ACSM3: variants seen among roughly 807,000 people sequenced by gnomAD.
ACSM3 encodes acyl-coenzyme A synthetase ACSM3, mitochondrial.
Under a neutral mutation model 74.1 loss-of-function variants are expected in ACSM3, and 61 were observed. The observed-to-expected ratio is 0.82, with a 90% CI of 0.67 to 1.02. The LOEUF (loss-of-function observed/expected upper bound fraction) is 1.02, where lower values mean the gene tolerates loss of function less well. Ranked by LOEUF, ACSM3 falls within the 50% of genes least tolerant of loss-of-function variation. ACSM3 has a pLI of 0.00. For missense variants in ACSM3, 660 were observed against 697.0 expected (o/e 0.95, Z 0.60); for synonymous variants, 213 against 241.5 (o/e 0.88, Z 1.09).
chr16:20,777,347 A>C (rs1401921103), intron 3 of ACSM3, 26 bp from the exon 4 acceptor site: 1 of 1,588,276 alleles, frequency 6.3e-7, no homozygotes, highest in Non-Finnish European at 8.6e-7. Context: ...TTTCTTCTAA[A>C]CACTGTTTCT....
chr16:20,756,224 G>A (rs1390195018), intron 3 of ACSM3, among the ~76,000 whole-genome samples: 1 of 151,750 alleles, frequency 6.6e-6, no homozygotes, highest in African/African-American at 2.4e-5. Context: ...CTTCCACAAT[G>A]GTTGAACTAG....
At chr16:20,760,066 G>A (rs1014005309), upstream of ACSM3, among the ~76,000 whole-genome samples, 2 of 152,020 alleles carry the variant, frequency 1.3e-5, no homozygotes, top group African/African-American at 4.8e-5. Context: ...AAGCACAACT[G>A]ACCAACATTA....
chr16:20,735,380 T>TC (rs1226402653), intron 1 of ACSM3: 1 of 151,390 alleles, frequency 6.6e-6, no homozygotes, highest in Non-Finnish European at 1.5e-5. Context: ...TTGGGTGTTT[T>TC]TTTTTTTTTT....
chr16:20,732,645 A>G (rs1300067538), intron 1 of ACSM3, among the ~76,000 whole-genome samples: 1 of 152,150 alleles, frequency 6.6e-6, no homozygotes, highest in Admixed American at 6.6e-5. Flanking sequence ...ACTAGGGGAA[A>G]GCAATGGGGT....
chr16:20,709,794 A>G (rs2079738775), intron 1 of ACSM3, among the ~76,000 whole-genome samples: 1 of 152,188 alleles, frequency 6.6e-6, no homozygotes, highest in Non-Finnish European at 1.5e-5. Flanking sequence ...TTTTTAGCTA[A>G]CTTCAGGGAA....
intron 12 of ACSM3, 21 bp downstream of exon 12, chr16:20,792,356 C>T: frequency 6.2e-7 from 1 of 1,612,680 alleles, no homozygotes; most frequent in Non-Finnish European, 8.5e-7. Context: ...TGATTCATGT[C>T]AACTTTATAA....
At chr16:20,736,963 C>T (rs772138953) in intron 1 of ACSM3, 26 of 1,614,116 alleles carry the variant, frequency 1.6e-5, no homozygotes, top group Non-Finnish European at 1.8e-5. Flanking sequence ...TCATTTACCA[C>T]CTGTGGATTA....
chr16:20,709,666 C>T (rs1205177068), intron 1 of ACSM3, among the ~76,000 whole-genome samples: 2 of 152,136 alleles, frequency 1.3e-5, no homozygotes, highest in African/African-American at 4.8e-5. Context: ...ATTTTCTTAA[C>T]CCACTTCCTT....
chr16:20,701,823 GACAATGATGGCTTC>G (rs1359865450), intron 1 of ACSM3, among the ~76,000 whole-genome samples: 1 of 152,142 alleles, frequency 6.6e-6, no homozygotes, highest in Non-Finnish European at 1.5e-5. Flanking sequence ...TTAGTTTGCT[GACAATGATGGCTTC>G]CAGCTTCATC....
At chr16:20,754,626 G>C (rs150334192) in intron 2 of ACSM3, among the ~76,000 whole-genome samples, 1 of 152,174 alleles carries the variant, frequency 6.6e-6, no homozygotes, top group East Asian at 1.9e-4. Flanking sequence ...TTCCCATTTG[G>C]AGCTGCCTGA....
Position 20,682,551 on chromosome 16 carries a change from A to C in ACSM3, c.-190+7729A>C. 2 of 1,015,066 alleles carry C rather than the reference A, an allele frequency of 2.0e-6. 1 individual carries two copies. Among genetic ancestry groups the C allele is most frequent in the South Asian group, 2.8e-5 (2 of 71,108 alleles). The allele number at this position is 1,015,066 out of a possible 1,614,324, so 62.9% of individuals were successfully genotyped here. On this transcript the variant is annotated intron_variant, in intron 1 of 3. Transcript: ENST00000561584. ...GGCTTGTCTGCATCGAAATACCCTA[A>C]CTTCTTGTTATGTAAAGTACAGGCC... is the stretch of plus-strand genomic sequence containing the variant.
Position 20,711,621 on chromosome 16 carries a change from C to T in ACSM3, c.-190+36799C>T, listed in dbSNP as rs561227107. ...CACTGGAGTGTCCTGACTTTAAGAC[C>T]AAACTCCTGGTGTCTCCACAAAGCC... On this transcript the variant is annotated intron_variant, in intron 1 of 3. Coordinates refer to the ACSM3 transcript ENST00000561584. 1.1e-5 allele frequency: 11 copies of T among 1,030,960 alleles called. No individual in the cohort carries two copies. The South Asian group carries it at 1.5e-4, about 14-fold the overall frequency. 63.9% of individuals were successfully genotyped at this position (1,030,960 alleles called of 1,614,324 possible). A position where few individuals can be genotyped will look rare whatever the true frequency, so the allele number is the denominator to read the frequency against.
intron 1 of ACSM3, among the ~76,000 whole-genome samples, chr16:20,723,346 G>T (rs1168065162): frequency 6.6e-6 from 1 of 152,082 alleles, no homozygotes; most frequent in Admixed American, 6.5e-5. Context: ...ATAAACATAC[G>T]TGTGCATGTG....
In ACSM3 at chr16:20,755,606, T is replaced by C. The variant is rs557144999; in HGVS notation, c.-62T>C. 4.7e-5 allele frequency: 7 copies of C among 149,476 alleles called. No homozygotes were observed. In the South Asian group the frequency reaches 1.3e-3, roughly 27 times the overall value. The allele number at this position is 149,476 out of a possible 1,614,324, so 9.3% of individuals were successfully genotyped here. A position where few individuals can be genotyped will look rare whatever the true frequency, so the allele number is the denominator to read the frequency against. On this transcript the variant is annotated 5_prime_UTR_variant, in exon 3 of 4. Coordinates refer to the ACSM3 transcript ENST00000561584. ...TACATAGCCGCTAAAACCCCTGGAATTTCTGAAGTGGTAAGTGCTTTTTAT... is the reference window on the plus strand; with the variant it reads ...TACATAGCCGCTAAAACCCCTGGAACTTCTGAAGTGGTAAGTGCTTTTTAT...
intron 2 of ACSM3, among the ~76,000 whole-genome samples, chr16:20,775,315 C>T (rs2080242711): frequency 6.6e-6 from 1 of 152,134 alleles, no homozygotes; most frequent in Non-Finnish European, 1.5e-5. Context: ...CTCTCTGGAA[C>T]AATGTTATAC....
intron 1 of ACSM3, chr16:20,741,481 G>GGGGGGGGGGGGCGCCCCCC: frequency 7.6e-7 from 1 of 1,308,412 alleles, no homozygotes; most frequent in Non-Finnish European, 9.9e-7. Flanking sequence ...CTGGCAGCCG[G>GGGGGGGGGGGGCGCCCCCC]CCCGCCCGCC....
intron 1 of ACSM3, chr16:20,742,038 G>T: frequency 7.0e-7 from 1 of 1,419,330 alleles, no homozygotes; most frequent in Non-Finnish European, 9.3e-7. Flanking sequence ...CCTTGAAGCT[G>T]GCTCCAGCCA....
chr16:20,702,638 T>G (rs1451450637), intron 1 of ACSM3, among the ~76,000 whole-genome samples: 1 of 152,232 alleles, frequency 6.6e-6, no homozygotes, highest in East Asian at 1.9e-4. Flanking sequence ...TCATATCCTT[T>G]GCCTATTTTA....
chr16:20,792,253 T>C lies in ACSM3; in HGVS notation c.1472T>C (p.Phe491Ser), dbSNP rs2080617739. 1 of 1,614,024 alleles carries C rather than the reference T, an allele frequency of 6.2e-7. No homozygotes were observed. Among genetic ancestry groups the C allele is most frequent in the East Asian group, 2.2e-5 (1 of 44,862 alleles). The change falls in exon 12 of 14, where the codon TTT (phenylalanine) becomes TCT (serine). Residue 491 changes from phenylalanine (F) to serine (S), a missense_variant. By Grantham distance (155) the Phe-to-Ser change is radical (BLOSUM62 -2). Transcript: ENST00000289416. ...GTTTCTAGCTATCGAATTGGACCAT[T>C]TGAGGTAGAAAATGCCCTGAATGAA... ...ILSSGYRIGP[F>S]EVENALNEHP...
Sources: allele counts gnomAD v4.1 joint callset (sites outside exome capture counted in the v4.1 genomes callset), GRCh38; gene constraint gnomAD v4.1.1; transcripts MANE v1.5; gene names NCBI Gene and HGNC (gene_info 2026-07-23, HGNC 2026-07-21).